Variants in NKAIN3 observed in about 807,000 individuals in gnomAD.
The protein encoded by NKAIN3 is sodium/potassium transporting ATPase interacting 3.
Under a neutral mutation model 30.2 loss-of-function variants are expected in NKAIN3, and 25 were observed. The observed-to-expected ratio is 0.83, with a 90% CI of 0.60 to 1.16. The LOEUF (loss-of-function observed/expected upper bound fraction) is 1.16. Among genes scored for constraint, NKAIN3 ranks in the 50% most tolerant of loss-of-function variants. The pLI is 0.00. For synonymous variants in NKAIN3, 91 were observed against 89.6 expected, an observed-to-expected ratio of 1.02 and a Z score of -0.09; for missense variants, 225 against 254.1, an observed-to-expected ratio of 0.89 and a Z score of 0.78.
At chr8:62,325,567 C>G (rs905948587) in intron 1 of NKAIN3, among the ~76,000 whole-genome samples, 4 of 152,054 alleles carry the variant, frequency 2.6e-5, no homozygotes, top group Admixed American at 1.3e-4. Context: ...AACTGTTTTC[C>G]ACAGTGTTTG....
chr8:62,652,122 C>T (rs962808581), intron 3 of NKAIN3, among the ~76,000 whole-genome samples: 1 of 152,104 alleles, frequency 6.6e-6, no homozygotes, highest in African/African-American at 2.4e-5. Flanking sequence ...GGTCCATCTC[C>T]CTGACCTAAT....
At chr8:62,881,058 A>G (rs546008647) in intron 4 of NKAIN3, among the ~76,000 whole-genome samples, 1 of 152,316 alleles carries the variant, frequency 6.6e-6, no homozygotes, top group East Asian at 1.9e-4. Context: ...AATTAATAAA[A>G]ATTCTGCATC....
intron 3 of NKAIN3, among the ~76,000 whole-genome samples, chr8:62,634,490 C>T (rs377653654): frequency 3.9e-4 from 59 of 152,288 alleles, no homozygotes; most frequent in African/African-American, 1.2e-3. Flanking sequence ...AATACTTGTT[C>T]GTCTCAGTGA....
At chr8:62,289,246 A>G (rs1813491522) in intron 1 of NKAIN3, among the ~76,000 whole-genome samples, 1 of 152,176 alleles carries the variant, frequency 6.6e-6, no homozygotes, top group African/African-American at 2.4e-5. Flanking sequence ...CTTTAGTTTA[A>G]GTAGATCCCA....
In NKAIN3 at chr8:62,381,511, TAC is replaced by T. The variant is rs1457104746; in HGVS notation, c.54+132392_54+132393del. ...CTTCTGATATACATATATATATACA[TAC>T]ACACACATATACATATATATATTAG... On this transcript the variant is annotated intron_variant, in intron 1 of 6. Coordinates refer to ENST00000623646, the MANE Select transcript of NKAIN3 (RefSeq NM_001304533.3). Among the ~76,000 whole-genome samples, 6 of 151,428 alleles carry T rather than the reference TAC, an allele frequency of 4.0e-5. No homozygotes were observed. In the South Asian group the frequency reaches 8.3e-4, roughly 21 times the overall value.
chr8:62,870,457 T>A (rs960958830), intron 4 of NKAIN3, among the ~76,000 whole-genome samples: 1 of 136,470 alleles, frequency 7.3e-6, no homozygotes, highest in Non-Finnish European at 1.5e-5. Flanking sequence ...TATTGTATAT[T>A]GTATATACAT....
chr8:62,338,333 G>A (rs1348738174), intron 1 of NKAIN3, among the ~76,000 whole-genome samples: 3 of 151,842 alleles, frequency 2.0e-5, no homozygotes, highest in Non-Finnish European at 4.4e-5. Context: ...TATAAAATAA[G>A]AGTCATTCTT....
chr8:62,585,864 T>A (rs1810454906), intron 2 of NKAIN3, among the ~76,000 whole-genome samples: 1 of 152,194 alleles, frequency 6.6e-6, no homozygotes, highest in African/African-American at 2.4e-5. Flanking sequence ...TTATTTCCTA[T>A]CTGTTTACTC....
intron 1 of NKAIN3, among the ~76,000 whole-genome samples, chr8:62,563,862 C>CAG (rs1809663302): frequency 6.6e-6 from 1 of 152,170 alleles, no homozygotes; most frequent in South Asian, 2.1e-4. Flanking sequence ...CACACACTGA[C>CAG]AGACGGGGAG....
intron 1 of NKAIN3, among the ~76,000 whole-genome samples, chr8:62,491,074 T>A (rs950696114): frequency 2.0e-5 from 3 of 152,192 alleles, no homozygotes; most frequent in African/African-American, 7.2e-5. Flanking sequence ...GTTTACTGTT[T>A]ATGAGCATTC....
chr8:62,536,385 C>G (rs904244199), intron 1 of NKAIN3, among the ~76,000 whole-genome samples: 8 of 152,188 alleles, frequency 5.3e-5, no homozygotes, highest in African/African-American at 1.9e-4. Context: ...TTATGGAATA[C>G]CTATGGTGTG....
chr8:62,417,589 A>G (rs1401894379), intron 1 of NKAIN3, among the ~76,000 whole-genome samples: 4 of 152,190 alleles, frequency 2.6e-5, no homozygotes, highest in Non-Finnish European at 5.9e-5. Context: ...CTTCCTACCA[A>G]CAGTATACAA....
chr8:62,753,848 G>A (rs943421975), intron 4 of NKAIN3, among the ~76,000 whole-genome samples: 3 of 151,842 alleles, frequency 2.0e-5, no homozygotes, highest in African/African-American at 7.3e-5. Flanking sequence ...CAGCAAATCT[G>A]GATATGTATA....
chr8:62,779,999 A>T (rs911545589), intron 4 of NKAIN3, among the ~76,000 whole-genome samples: 1 of 152,114 alleles, frequency 6.6e-6, no homozygotes, highest in Non-Finnish European at 1.5e-5. Flanking sequence ...AATACAAAAG[A>T]TCATTGAAAC....
chr8:62,894,356 G>A (rs1821373116), intron 4 of NKAIN3, among the ~76,000 whole-genome samples: 1 of 152,144 alleles, frequency 6.6e-6, no homozygotes, highest in African/African-American at 2.4e-5. Context: ...ACTAGGAACT[G>A]AAAATTCAAA....
intron 2 of NKAIN3, among the ~76,000 whole-genome samples, chr8:62,582,462 T>C (rs1438813952): frequency 4.6e-5 from 7 of 152,086 alleles, no homozygotes; most frequent in Non-Finnish European, 1.0e-4. Context: ...AGATGTCTAA[T>C]GGGGTATCTG....
chr8:62,454,126 G>A (rs1219921363), intron 1 of NKAIN3, among the ~76,000 whole-genome samples: 1 of 151,546 alleles, frequency 6.6e-6, no homozygotes, highest in Non-Finnish European at 1.5e-5. Flanking sequence ...TTAGCCAATA[G>A]GTTCCAAACT....
intron 4 of NKAIN3, among the ~76,000 whole-genome samples, chr8:62,771,335 A>G (rs1185974243): frequency 1.4e-5 from 2 of 145,350 alleles, no homozygotes. Context: ...GAAAATCTCA[A>G]TAAAGAAAGA....
At chr8:62,456,728 A>T (rs1440554841) in intron 1 of NKAIN3, among the ~76,000 whole-genome samples, 1 of 152,232 alleles carries the variant, frequency 6.6e-6, no homozygotes, top group African/African-American at 2.4e-5. Flanking sequence ...GTTTCCACTT[A>T]TCTCAGCCTT....
Sources: gnomAD v4.1 joint callset for allele counts (sites outside exome capture counted in the v4.1 genomes callset) on GRCh38, gnomAD v4.1.1 for gene constraint, MANE v1.5 for transcripts, NCBI Gene and HGNC (gene_info 2026-07-23, HGNC 2026-07-21) for gene names.